Variants in SLC38A4 observed in about 807,000 individuals in gnomAD.
The protein encoded by SLC38A4 is solute carrier family 38 member 4.
In SLC38A4, 20 loss-of-function variants were observed where a neutral mutation model predicts 63.1. The observed-to-expected ratio is 0.32, with a 90% CI of 0.22 to 0.46. SLC38A4 has a LOEUF of 0.46. Ranked by LOEUF, SLC38A4 falls within the 20% of genes least tolerant of loss-of-function variation. SLC38A4 has a pLI of 1.00. For synonymous variants in SLC38A4, 230 were observed against 225.5 expected, an observed-to-expected ratio of 1.02 and a Z score of -0.18; for missense variants, 526 against 663.6, an observed-to-expected ratio of 0.79 and a Z score of 2.28.
intron 1 of SLC38A4, among the ~76,000 whole-genome samples, chr12:46,814,904 G>A (rs1234864497): frequency 6.6e-6 from 1 of 151,776 alleles, no homozygotes; most frequent in Non-Finnish European, 1.5e-5. Context: ...AGATTGCTTA[G>A]AATTTGAGCT....
At chr12:46,809,457 T>C (rs1939298763) in intron 1 of SLC38A4, among the ~76,000 whole-genome samples, 1 of 152,040 alleles carries the variant, frequency 6.6e-6, no homozygotes, top group Admixed American at 6.6e-5. Flanking sequence ...GAGGGCAGGC[T>C]TCTGCCTGAA....
intron 6 of SLC38A4, 25 bp downstream of exon 6, chr12:46,785,079 G>A (rs1459214025): frequency 6.5e-7 from 1 of 1,530,012 alleles, no homozygotes; most frequent in Admixed American, 1.7e-5. Context: ...AAAATAGAAT[G>A]TGTTGGACTC....
chr12:46,773,550 A>G (rs1565663006), intron 14 of SLC38A4, among the ~76,000 whole-genome samples: 1 of 152,060 alleles, frequency 6.6e-6, no homozygotes, highest in Non-Finnish European at 1.5e-5. Context: ...TTTACACACT[A>G]TTGCTGTTCC....
intron 1 of SLC38A4, among the ~76,000 whole-genome samples, chr12:46,820,508 CT>C (rs1482542280): frequency 4.6e-5 from 7 of 151,928 alleles, no homozygotes; most frequent in Non-Finnish European, 7.4e-5. Context: ...AGCAGGATTT[CT>C]TTCTTTATCA....
chr12:46,796,344 C>A (rs1001006242), intron 2 of SLC38A4, among the ~76,000 whole-genome samples: 2 of 151,984 alleles, frequency 1.3e-5, no homozygotes, highest in Admixed American at 1.3e-4. Flanking sequence ...CCTTTTGTTC[C>A]CTAAATTATA....
At chr12:46,819,753 G>C (rs1296408416) in intron 1 of SLC38A4, among the ~76,000 whole-genome samples, 3 of 151,828 alleles carry the variant, frequency 2.0e-5, no homozygotes, top group Admixed American at 2.0e-4. Context: ...TGGGAATGTT[G>C]AAAAATTTCC....
intron 6 of SLC38A4, 133 bp from the exon 7 acceptor site, chr12:46,784,767 C>T: frequency 1.5e-6 from 1 of 671,134 alleles, no homozygotes; most frequent in Non-Finnish European, 2.4e-6. Context: ...CCAAAAGATG[C>T]AACCTCAAAA....
chr12:46,807,961 CT>C (rs958871255), intron 1 of SLC38A4, among the ~76,000 whole-genome samples: 1 of 148,744 alleles, frequency 6.7e-6, no homozygotes, highest in Non-Finnish European at 1.5e-5. Context: ...TTCTAATTTG[CT>C]TTGGCAAAGC....
Position 46,777,041 on chromosome 12 carries a change from A to C in SLC38A4, c.1074-37T>G, listed in dbSNP as rs1241884864. 2.6e-6 allele frequency: 4 copies of C among 1,520,478 alleles called. No individual in the cohort carries two copies. The African/African-American group carries it at 5.6e-5, about 21-fold the overall frequency. 94.2% of individuals were successfully genotyped at this position (1,520,478 alleles called of 1,614,324 possible). On this transcript the variant is annotated intron_variant, in intron 12 of 16. Transcript: ENST00000266579. Reference sequence around the variant, plus strand: ...AAGAACACCAAGCTTTGTTTTTTAAACTTACAAAAAAAAATCACTTTTCAA... The same window carrying C: ...AAGAACACCAAGCTTTGTTTTTTAACCTTACAAAAAAAAATCACTTTTCAA...
intron 7 of SLC38A4, among the ~76,000 whole-genome samples, chr12:46,781,357 T>A (rs577807685): frequency 6.6e-6 from 1 of 152,188 alleles, no homozygotes; most frequent in East Asian, 1.9e-4. Context: ...TGGCTAAAGC[T>A]AAATCTTACA....
chr12:46,810,249 A>C (rs1204276952), intron 1 of SLC38A4, among the ~76,000 whole-genome samples: 1 of 152,022 alleles, frequency 6.6e-6, no homozygotes, highest in Non-Finnish European at 1.5e-5. Flanking sequence ...AATAAGTTAT[A>C]AATGGTGAAA....
intron 1 of SLC38A4, among the ~76,000 whole-genome samples, chr12:46,818,768 A>C (rs971359043): frequency 6.6e-5 from 10 of 151,912 alleles, no homozygotes; most frequent in African/African-American, 2.4e-4. Flanking sequence ...CATGTGGGAC[A>C]ATTTTAAAAA....
intron 2 of SLC38A4, among the ~76,000 whole-genome samples, chr12:46,798,811 C>G (rs569047119): frequency 1.2e-4 from 18 of 152,070 alleles, no homozygotes; most frequent in African/African-American, 3.6e-4. Flanking sequence ...TTTCTTATTC[C>G]CATTGTACAG....
chr12:46,774,945 G>A, intron 14 of SLC38A4, 104 bp downstream of exon 14: 1 of 1,313,876 alleles, frequency 7.6e-7, no homozygotes, highest in Non-Finnish European at 1.0e-6. Flanking sequence ...CTCAGGCATT[G>A]CAATTGCAAA....
chr12:46,766,698 G>T lies in SLC38A4; in HGVS notation c.*3C>A, dbSNP rs193108999. On this transcript the variant is annotated 3_prime_UTR_variant, in exon 17 of 17. Transcript: ENST00000266579. ...ATAGAAAAAGAAAGTATTTTTCCTT[G>T]TGTTAGTGATGCTTGGAATTTGGAG... 629 of 1,579,848 alleles carry T rather than the reference G, an allele frequency of 4.0e-4. 3 individuals carry two copies. The African/African-American group carries it at 7.3e-3, about 18-fold the overall frequency.
chr12:46,774,309 G>C (rs1592175735), intron 14 of SLC38A4, among the ~76,000 whole-genome samples: 1 of 152,098 alleles, frequency 6.6e-6, no homozygotes, highest in South Asian at 2.1e-4. Flanking sequence ...CCCCTCAAAT[G>C]AATGAGTAAA....
intron 1 of SLC38A4, among the ~76,000 whole-genome samples, chr12:46,808,408 T>C (rs1011339289): frequency 2.6e-5 from 4 of 152,034 alleles, no homozygotes; most frequent in Non-Finnish European, 4.4e-5. Flanking sequence ...AGTCAACTAC[T>C]ATGTTGCAAA....
intron 7 of SLC38A4, among the ~76,000 whole-genome samples, chr12:46,784,189 C>G (rs1286549496): frequency 1.3e-5 from 2 of 152,018 alleles, no homozygotes; most frequent in East Asian, 3.9e-4. Flanking sequence ...AACTCAGTCA[C>G]ACATAGAAAA....
At chr12:46,780,372 T>C (rs1245045097) in intron 7 of SLC38A4, among the ~76,000 whole-genome samples, 10 of 151,966 alleles carry the variant, frequency 6.6e-5, no homozygotes. Context: ...ACTTGGGCAG[T>C]AGTCTGGCAA....
Sources: allele counts gnomAD v4.1 joint callset (sites outside exome capture counted in the v4.1 genomes callset), GRCh38; gene constraint gnomAD v4.1.1; transcripts MANE v1.5; gene names NCBI Gene and HGNC (gene_info 2026-07-23, HGNC 2026-07-21).